The following PTPRD variants were observed in gnomAD, a reference collection of about 807,000 sequenced individuals.
PTPRD encodes protein tyrosine phosphatase receptor type D.
Under a neutral mutation model 214.5 loss-of-function variants are expected in PTPRD, and 34 were observed. The observed-to-expected ratio is 0.16, with a 90% confidence interval of 0.12 to 0.21. The LOEUF is 0.21. PTPRD is among the 10% of genes least tolerant of loss of function. The probability of loss-of-function intolerance (pLI) is 1.00; values close to 1 mark genes in which losing one functional copy is unlikely to be tolerated. For synonymous variants in PTPRD, 1,128 were observed against 845.7 expected (o/e 1.33, Z -5.79); for missense variants, 2,545 against 2,398.7 (o/e 1.06, Z -1.27).
chr9:8,758,840 C>G (rs532689597), intron 11 of PTPRD, among the ~76,000 whole-genome samples: 1 of 152,038 alleles, frequency 6.6e-6, no homozygotes, highest in East Asian at 1.9e-4. Flanking sequence ...CGTGTGCCAC[C>G]ACGCTTGGCT....
chr9:10,068,518 G>A (rs1433761581), intron 3 of PTPRD, among the ~76,000 whole-genome samples: 3 of 151,870 alleles, frequency 2.0e-5, no homozygotes, highest in Non-Finnish European at 4.4e-5. Context: ...TACGTAATAT[G>A]GGAATATGTC....
At chr9:9,678,710 A>G (rs1321386799) in intron 7 of PTPRD, among the ~76,000 whole-genome samples, 1 of 150,498 alleles carries the variant, frequency 6.6e-6, no homozygotes, top group African/African-American at 2.4e-5. Flanking sequence ...ACAAAACTCT[A>G]AAAAAAAATA....
rs555362963 is a variant in PTPRD, at chr9:10,260,142, T to C, written c.-545+80821A>G. On this transcript the variant is annotated intron_variant, in intron 3 of 45. Transcript: ENST00000381196. Reference sequence around the variant, plus strand: ...TATCTGAAATCAACATTTAACCATGTTCCCTGTGGTATTATGTGTTAAATG... The same window carrying C: ...TATCTGAAATCAACATTTAACCATGCTCCCTGTGGTATTATGTGTTAAATG... Among the ~76,000 whole-genome samples, 12 of 152,336 alleles carry C rather than the reference T, an allele frequency of 7.9e-5. No individual in the cohort carries two copies. In the South Asian group the frequency reaches 2.3e-3, roughly 29 times the overall value.
At chr9:9,017,916 C>T (rs553497781) in intron 11 of PTPRD, among the ~76,000 whole-genome samples, 1 of 152,180 alleles carries the variant, frequency 6.6e-6, no homozygotes, top group South Asian at 2.1e-4. Context: ...TATCGTGTCT[C>T]TATATTTAGT....
At chr9:8,835,010 T>A (rs535536580) in intron 11 of PTPRD, among the ~76,000 whole-genome samples, 2 of 152,326 alleles carry the variant, frequency 1.3e-5, no homozygotes, top group South Asian at 4.1e-4. Context: ...GGAATCTAAC[T>A]GCATGAAAAG....
intron 34 of PTPRD, among the ~76,000 whole-genome samples, chr9:8,440,976 C>T (rs1283887172): frequency 6.6e-6 from 1 of 152,166 alleles, no homozygotes; most frequent in East Asian, 1.9e-4. Context: ...GCAGCTTGGG[C>T]ATCTTTCTAC....
intron 11 of PTPRD, among the ~76,000 whole-genome samples, chr9:8,802,972 G>T (rs1444410462): frequency 1.3e-5 from 2 of 152,074 alleles, no homozygotes; most frequent in Non-Finnish European, 2.9e-5. Flanking sequence ...AGGATCACTT[G>T]AGCCCAGGAG....
chr9:9,737,939 A>C (rs2263141), intron 6 of PTPRD, among the ~76,000 whole-genome samples: 75,742 of 151,922 alleles, frequency 0.5, 22,555 homozygotes, highest in African/African-American at 0.83. Flanking sequence ...TCACATTTCC[A>C]CTAGCAAGGC....
intron 4 of PTPRD, among the ~76,000 whole-genome samples, chr9:9,947,962 G>A (rs2093004464): frequency 6.6e-6 from 1 of 151,772 alleles, no homozygotes; most frequent in Non-Finnish European, 1.5e-5. Context: ...TTATCTACGA[G>A]TTTCCTTGTT....
At chr9:10,306,034 A>T (rs774026996) in intron 3 of PTPRD, among the ~76,000 whole-genome samples, 3 of 152,116 alleles carry the variant, frequency 2.0e-5, no homozygotes, top group Non-Finnish European at 4.4e-5. Flanking sequence ...AATGCCCATC[A>T]ATGATAGACT....
chr9:8,805,046 G>C (rs571136605), intron 11 of PTPRD, among the ~76,000 whole-genome samples: 14 of 152,160 alleles, frequency 9.2e-5, no homozygotes, highest in Non-Finnish European at 1.9e-4. Flanking sequence ...AAATTCCCAT[G>C]GAACTTCATT....
chr9:8,708,423 T>C (rs979994596), intron 12 of PTPRD, among the ~76,000 whole-genome samples: 1 of 151,800 alleles, frequency 6.6e-6, no homozygotes, highest in South Asian at 2.1e-4. Context: ...TCTGTAATCC[T>C]AGCACTTTGG....
At chr9:9,489,036 T>C (rs891605734) in intron 8 of PTPRD, among the ~76,000 whole-genome samples, 1 of 152,178 alleles carries the variant, frequency 6.6e-6, no homozygotes, top group African/African-American at 2.4e-5. Flanking sequence ...GCCTAAGTGA[T>C]TTCCAGGAGA....
rs548990277 is a variant in PTPRD, at chr9:10,434,323, A to T, written c.-599-93306T>A. Among the ~76,000 whole-genome samples the T allele has an allele frequency of 3.9e-5, 6 of 152,010 alleles. No individual in the cohort carries two copies. The East Asian group carries it at 1.2e-3, about 30-fold the overall frequency. Reference sequence around the variant, plus strand: ...TTTTTAAACTAGAAAGCATGATGCAAATGTATTAGATCAAAGATTCCCGAC... The same window carrying T: ...TTTTTAAACTAGAAAGCATGATGCATATGTATTAGATCAAAGATTCCCGAC... On this transcript the variant is annotated intron_variant, in intron 2 of 45. Transcript: ENST00000381196.
chr9:9,330,119 T>G (rs943422834), intron 9 of PTPRD, among the ~76,000 whole-genome samples: 1 of 152,088 alleles, frequency 6.6e-6, no homozygotes, highest in Non-Finnish European at 1.5e-5. Context: ...ATCTTTTGTC[T>G]CAAACTCCAG....
chr9:9,892,899 G>A lies in PTPRD; in HGVS notation c.-368+45608C>T, dbSNP rs148712313. On this transcript the variant is annotated intron_variant, in intron 5 of 45. Transcript: ENST00000381196. The stretch of plus-strand genomic sequence containing the variant: ...AAAAAGAGTCAAGGATGACTCAAAG[G>A]TTTCAGTCTGAAAAAATAAAAGGAG... Among the ~76,000 whole-genome samples the A allele has an allele frequency of 2.7e-3, 410 of 152,110 alleles. 2 individuals are homozygous for A. Among genetic ancestry groups the A allele is most frequent in the African/African-American group, 9.2e-3 (382 of 41,516 alleles).
At chr9:9,293,112 G>A (rs1340721562) in intron 9 of PTPRD, among the ~76,000 whole-genome samples, 1 of 151,470 alleles carries the variant, frequency 6.6e-6, no homozygotes, top group Non-Finnish European at 1.5e-5. Flanking sequence ...GAAGTGGAGA[G>A]TTATGCTTTA....
chr9:9,099,461 T>C (rs1346212484), intron 10 of PTPRD, among the ~76,000 whole-genome samples: 1 of 152,160 alleles, frequency 6.6e-6, no homozygotes, highest in Admixed American at 6.5e-5. Flanking sequence ...TAGAGATTAT[T>C]TTACAAGGCG....
intron 2 of PTPRD, among the ~76,000 whole-genome samples, chr9:10,460,190 G>A (rs113003024): frequency 0.018 from 2,678 of 151,928 alleles, 32 homozygotes; most frequent in Non-Finnish European, 0.028. Context: ...TGAAAGACCC[G>A]TAAACTGAAA....
Sources: gnomAD v4.1 joint callset for allele counts (sites outside exome capture counted in the v4.1 genomes callset) on GRCh38, gnomAD v4.1.1 for gene constraint, MANE v1.5 for transcripts, NCBI Gene and HGNC (gene_info 2026-07-23, HGNC 2026-07-21) for gene names.